Variants in ZNF385D observed in about 807,000 individuals in gnomAD.
ZNF385D encodes the protein zinc finger protein 659.
A neutral mutation model predicts 35.8 loss-of-function variants in ZNF385D; 15 were observed. The observed-to-expected ratio is 0.42, with a 90% CI of 0.28 to 0.64. The LOEUF (loss-of-function observed/expected upper bound fraction) is 0.64. ZNF385D is among the 30% of genes least tolerant of loss of function. The pLI, the probability that ZNF385D is intolerant of heterozygous loss-of-function variation, is 0.23. For synonymous variants in ZNF385D, 212 were observed against 186.8 expected, an observed-to-expected ratio of 1.13 and a Z score of -1.10; for missense variants, 474 against 494.6, an observed-to-expected ratio of 0.96 and a Z score of 0.39.
intron 4 of ZNF385D, among the ~76,000 whole-genome samples, chr3:21,481,336 A>C (rs1704613748): frequency 6.6e-6 from 1 of 152,190 alleles, no homozygotes; most frequent in African/African-American, 2.4e-5. Context: ...AGAGTTCTGA[A>C]CTCTACACTA....
intron 5 of ZNF385D, among the ~76,000 whole-genome samples, chr3:21,428,593 C>T (rs1054074376): frequency 7.9e-5 from 12 of 152,014 alleles, no homozygotes; most frequent in African/African-American, 2.9e-4. Context: ...TCTCATAAAG[C>T]TTTTTTTGCT....
At chr3:21,861,491 C>G (rs1468192163) in intron 3 of ZNF385D, among the ~76,000 whole-genome samples, 3 of 152,030 alleles carry the variant, frequency 2.0e-5, no homozygotes, top group Non-Finnish European at 4.4e-5. Flanking sequence ...TAGATAAATA[C>G]AATTAATGGA....
chr3:22,050,809 G>C (rs999817396), intron 3 of ZNF385D, among the ~76,000 whole-genome samples: 1 of 152,066 alleles, frequency 6.6e-6, no homozygotes, highest in African/African-American at 2.4e-5. Flanking sequence ...CAAAAATAAC[G>C]AATATCTGTT....
chr3:21,822,495 TACA>T (rs1694323880), intron 3 of ZNF385D, among the ~76,000 whole-genome samples: 2 of 152,216 alleles, frequency 1.3e-5, no homozygotes, highest in East Asian at 1.9e-4. Context: ...TGTAAAATCG[TACA>T]ACAATTTTGC....
intron 3 of ZNF385D, among the ~76,000 whole-genome samples, chr3:22,109,778 G>A (rs1041316503): frequency 6.6e-6 from 1 of 152,062 alleles, no homozygotes; most frequent in African/African-American, 2.4e-5. Flanking sequence ...ATTGACAAAT[G>A]GGATCTAATT....
intron 4 of ZNF385D, among the ~76,000 whole-genome samples, chr3:21,497,460 G>T (rs543618419): frequency 1.8e-4 from 28 of 152,222 alleles, no homozygotes; most frequent in African/African-American, 6.3e-4. Flanking sequence ...TGTTAAAATG[G>T]CCAGACTGCC....
At chr3:22,173,069 C>A (rs1349998963) in intron 2 of ZNF385D, among the ~76,000 whole-genome samples, 2 of 152,188 alleles carry the variant, frequency 1.3e-5, no homozygotes, top group African/African-American at 4.8e-5. Flanking sequence ...AATGGTATTT[C>A]ACCTCTGTGA....
At chr3:22,316,771 T>C (rs1046831014) in intron 2 of ZNF385D, among the ~76,000 whole-genome samples, 1 of 152,156 alleles carries the variant, frequency 6.6e-6, no homozygotes, top group Non-Finnish European at 1.5e-5. Context: ...CTTTTAGTGT[T>C]TGAAACTTCT....
chr3:21,713,521 C>T (rs2068196905), intron 1 of ZNF385D, among the ~76,000 whole-genome samples: 1 of 152,130 alleles, frequency 6.6e-6, no homozygotes, highest in Non-Finnish European at 1.5e-5. Context: ...TCTCTCCTAG[C>T]TTCAAATTTC....
intron 2 of ZNF385D, among the ~76,000 whole-genome samples, chr3:21,647,419 C>T (rs76901940): frequency 0.12 from 18,547 of 149,664 alleles, 1,206 homozygotes; most frequent in Admixed American, 0.15. Context: ...TTTTCCTTCT[C>T]TCACTTCCTC....
intron 3 of ZNF385D, among the ~76,000 whole-genome samples, chr3:21,782,713 G>C (rs932059140): frequency 6.6e-6 from 1 of 152,128 alleles, no homozygotes; most frequent in African/African-American, 2.4e-5. Context: ...AATTGGACAA[G>C]ATTTTTGGAA....
intron 3 of ZNF385D, among the ~76,000 whole-genome samples, chr3:21,982,672 G>A (rs149374208): frequency 1.2e-3 from 183 of 152,222 alleles, no homozygotes; most frequent in Non-Finnish European, 2.0e-3. Flanking sequence ...GGTATTCAAG[G>A]GGAATACTGC....
chr3:21,564,762 A>G (rs1406236897), intron 2 of ZNF385D, 78 bp from the exon 3 acceptor site: 2 of 807,816 alleles, frequency 2.5e-6, no homozygotes, highest in Admixed American at 5.4e-5. Context: ...ATTTCATTAA[A>G]GAACCAATCT....
chr3:21,975,702 AATATATATAT>A (rs56303677), intron 3 of ZNF385D, among the ~76,000 whole-genome samples: 34 of 124,062 alleles, frequency 2.7e-4, no homozygotes, highest in East Asian at 1.5e-3. Flanking sequence ...GTACCCACGA[AATATATATAT>A]ATATATATAT....
At chr3:21,997,378 T>C (rs947691580) in intron 3 of ZNF385D, among the ~76,000 whole-genome samples, 1 of 152,048 alleles carries the variant, frequency 6.6e-6, no homozygotes, top group Admixed American at 6.6e-5. Context: ...AGGGATAGCA[T>C]TAGGAGATAT....
In ZNF385D at chr3:22,197,517, T is replaced by C. The variant is rs965113457; in HGVS notation, c.107-28482A>G. ...TGTTCAAAATGGTGAAAAATGCTTA[T>C]ACAATTTATAAACTACTCCAGAAGA... On this transcript the variant is annotated intron_variant, in intron 2 of 5. Transcript: ENST00000494108. 3.3e-5 allele frequency among the ~76,000 whole-genome samples: 5 copies of C among 152,260 alleles called. No individual in the cohort carries two copies. The South Asian group carries it at 6.2e-4, about 19-fold the overall frequency.
rs1702861779 is a variant in ZNF385D at position 21,456,914 on chromosome 3, G to T, written c.440-19711C>A. On this transcript the variant is annotated intron_variant, in intron 4 of 7. Transcript: ENST00000281523. Reference sequence around the variant, plus strand: ...AATTGCTACCTTTCTACCCATTCCTGCAATTCCCCTTTATCTCCCTTGCCT... The same window carrying T: ...AATTGCTACCTTTCTACCCATTCCTTCAATTCCCCTTTATCTCCCTTGCCT... Among the ~76,000 whole-genome samples the T allele has an allele frequency of 2.6e-5, 4 of 151,956 alleles. 1 individual carries two copies. The South Asian group carries it at 8.3e-4, about 32-fold the overall frequency.
At chr3:22,227,731 C>A (rs1698646375) in intron 2 of ZNF385D, among the ~76,000 whole-genome samples, 1 of 152,278 alleles carries the variant, frequency 6.6e-6, no homozygotes, top group Admixed American at 6.5e-5. Context: ...GTTACCAACC[C>A]TTTTCATGGC....
At position 22,020,505 on chromosome 3, in the gene ZNF385D, C is replaced by T. The variant is rs144187193; in HGVS notation, c.325+148312G>A. Among the ~76,000 whole-genome samples the T allele has an allele frequency of 3.2e-3, 482 of 151,878 alleles. 3 individuals carry two copies. Among genetic ancestry groups the T allele is most frequent in the Non-Finnish European group, 5.3e-3 (358 of 67,820 alleles). Reference sequence around the variant, plus strand: ...GCATTTTCAAAAGAAGACATAAAAACGGCCAACAGGTATATGAAAAAAATG... The same window carrying T: ...GCATTTTCAAAAGAAGACATAAAAATGGCCAACAGGTATATGAAAAAAATG... On this transcript the variant is annotated intron_variant, in intron 3 of 5. Coordinates refer to the ZNF385D transcript ENST00000494108.
Sources: allele counts gnomAD v4.1 joint callset (sites outside exome capture counted in the v4.1 genomes callset), GRCh38; gene constraint gnomAD v4.1.1; transcripts MANE v1.5; gene names NCBI Gene and HGNC (gene_info 2026-07-23, HGNC 2026-07-21).